The following DOCK3 variants were observed in gnomAD, a reference collection of about 807,000 sequenced individuals.
The protein encoded by DOCK3 is dedicator of cytokinesis protein 3.
A neutral mutation model predicts 265.6 loss-of-function variants in DOCK3; 60 were observed. That is an observed-to-expected ratio of 0.23 (90% CI 0.18 to 0.28). The LOEUF is 0.28. DOCK3 is among the 10% of genes least tolerant of loss of function. The pLI is 1.00. For missense variants in DOCK3, 1,981 were observed against 2,594.3 expected (o/e 0.76, Z 5.14); for synonymous variants, 881 against 938.0 (o/e 0.94, Z 1.11).
chr3:50,743,260 C>CTTTACAGCT (rs1206090012), intron 1 of DOCK3, among the ~76,000 whole-genome samples: 1 of 151,884 alleles, frequency 6.6e-6, no homozygotes, highest in African/African-American at 2.4e-5. Flanking sequence ...TAAAGACCAT[C>CTTTACAGCT]GAGGCTAGGA....
rs2088709331 is a variant in DOCK3, at chr3:51,382,432, T to C, written c.*873T>C. On this transcript the variant is annotated 3_prime_UTR_variant, in exon 53 of 53. Transcript: ENST00000266037. Reference sequence around the variant, plus strand: ...CTAGGGGGAGCTGGTCCCCTTCCTATGTGGTAGAGAGACTGGTGTAAGAGT... The same window carrying C: ...CTAGGGGGAGCTGGTCCCCTTCCTACGTGGTAGAGAGACTGGTGTAAGAGT... 1 of 152,570 alleles carries C rather than the reference T, an allele frequency of 6.6e-6. No homozygotes were observed. Among genetic ancestry groups the C allele is most frequent in the Non-Finnish European group, 1.5e-5 (1 of 68,060 alleles). The allele number at this position is 152,570 out of a possible 1,614,324, so 9.5% of individuals were successfully genotyped here.
In DOCK3 at chr3:51,361,664, G is replaced by C. The variant is rs575936825; in HGVS notation, c.5007-195G>C. ...GTGTACCACACCATTGTCTCTCCCAGACCAAGGGCTCCTGAGTAGCAGGGT... is the reference window on the plus strand; with the variant it reads ...GTGTACCACACCATTGTCTCTCCCACACCAAGGGCTCCTGAGTAGCAGGGT... On this transcript the variant is annotated intron_variant, in intron 47 of 52. Transcript: ENST00000266037. This position sits in a 1 kb window ranked among gnomAD's most constrained non-coding sequence, Gnocchi z 4.2. Among the ~76,000 whole-genome samples, 2 of 152,168 alleles carry C rather than the reference G, an allele frequency of 1.3e-5. No individual in the cohort carries two copies. The highest frequency in any genetic ancestry group is 1.9e-4 in the East Asian group (1 of 5,202).
intron 38 of DOCK3, 67 bp downstream of exon 38, chr3:51,341,452 A>G (rs960396537): frequency 6.3e-7 from 1 of 1,587,290 alleles, no homozygotes; most frequent in Non-Finnish European, 8.6e-7. Flanking sequence ...TCTTGACACC[A>G]TAGGGTTAAC....
chr3:51,341,218 A>G lies in DOCK3; in HGVS notation c.3767-19A>G, dbSNP rs779456167. On this transcript the variant is annotated intron_variant, in intron 37 of 52. Coordinates refer to ENST00000266037, the MANE Select transcript of DOCK3 (RefSeq NM_004947.5). ...GAGCAAGGGAAGCCCCTGGACCTCC[A>G]TGCTGTCTGTCCCCACAGAGGCCGC... 1.0e-5 allele frequency: 16 copies of G among 1,554,796 alleles called. No homozygotes were observed. The highest frequency in any genetic ancestry group is 1.8e-5 in the Admixed American group (1 of 54,458).
At chr3:51,227,960 T>C (rs2090399436) in intron 16 of DOCK3, 22 bp from the exon 17 acceptor site, 1 of 1,612,230 alleles carries the variant, frequency 6.2e-7, no homozygotes, top group Admixed American at 1.7e-5. Context: ...AAAAAACAAC[T>C]AATACTTGGC....
chr3:50,882,822 G>A (rs1341473057), intron 3 of DOCK3, among the ~76,000 whole-genome samples: 1 of 152,174 alleles, frequency 6.6e-6, no homozygotes, highest in African/African-American at 2.4e-5. Flanking sequence ...GCACACATAT[G>A]TTTATTGCAG....
At chr3:50,757,808 C>A (rs555939421) in intron 1 of DOCK3, among the ~76,000 whole-genome samples, 16 of 151,994 alleles carry the variant, frequency 1.1e-4, no homozygotes, top group Non-Finnish European at 1.9e-4. Flanking sequence ...AATCCAAGTT[C>A]ATACTTTGCC....
intron 5 of DOCK3, among the ~76,000 whole-genome samples, chr3:50,961,058 C>T (rs761771357): frequency 6.6e-6 from 1 of 152,242 alleles, no homozygotes; most frequent in Non-Finnish European, 1.5e-5. Flanking sequence ...TATACAAATA[C>T]CACATTTTCT....
chr3:50,804,238 G>T (rs986804595), intron 2 of DOCK3, among the ~76,000 whole-genome samples: 1 of 151,054 alleles, frequency 6.6e-6, no homozygotes, highest in South Asian at 2.1e-4. Flanking sequence ...GGGAAGAGGC[G>T]CTCCTCACTT....
intron 4 of DOCK3, among the ~76,000 whole-genome samples, chr3:50,903,097 T>C (rs987460927): frequency 6.6e-6 from 1 of 152,206 alleles, no homozygotes; most frequent in African/African-American, 2.4e-5. Context: ...TTTCTAGATA[T>C]GGGATCACGT....
At position 50,903,571 on chromosome 3, in the gene DOCK3, A is replaced by G. The variant is rs1375772362; in HGVS notation, c.218+13490A>G. Among the ~76,000 whole-genome samples the G allele has an allele frequency of 2.6e-5, 4 of 152,120 alleles. No individual in the cohort carries two copies. The South Asian group carries it at 6.2e-4, about 24-fold the overall frequency. Reference sequence around the variant, plus strand: ...GATCTGCTGGATTCAATTTGCCAGTATTTTGTTGAGGATTTTTGCATCAAT... The same window carrying G: ...GATCTGCTGGATTCAATTTGCCAGTGTTTTGTTGAGGATTTTTGCATCAAT... On this transcript the variant is annotated intron_variant, in intron 4 of 52. Coordinates refer to ENST00000266037, the MANE Select transcript of DOCK3 (RefSeq NM_004947.5).
At position 50,756,157 on chromosome 3, in the gene DOCK3, G is replaced by C. The variant is rs537577338; in HGVS notation, c.38-22518G>C. Among the ~76,000 whole-genome samples the C allele has an allele frequency of 3.0e-4, 45 of 152,250 alleles. No homozygotes were observed. The South Asian group carries it at 7.7e-3, about 26-fold the overall frequency. The stretch of plus-strand genomic sequence containing the variant: ...ATGTGCAGTGGCCTGCCAGCACTTG[G>C]GAGGGCCACATGCACAGTGTGTTTA... On this transcript the variant is annotated intron_variant, in intron 1 of 52. Coordinates refer to ENST00000266037, the MANE Select transcript of DOCK3 (RefSeq NM_004947.5).
chr3:51,224,578 GA>G (rs1021180744), intron 14 of DOCK3, among the ~76,000 whole-genome samples: 12 of 152,274 alleles, frequency 7.9e-5, no homozygotes, highest in African/African-American at 2.9e-4. Context: ...AACTGAAGTA[GA>G]AAAAATTACC....
At chr3:50,900,862 G>A (rs967591658) in intron 4 of DOCK3, 1 of 417,408 alleles carries the variant, frequency 2.4e-6, no homozygotes, top group African/African-American at 2.1e-5. Flanking sequence ...GTCCCAGAGG[G>A]GCACCCACCA....
At chr3:51,136,327 C>T (rs1293385201) in intron 9 of DOCK3, among the ~76,000 whole-genome samples, 1 of 151,700 alleles carries the variant, frequency 6.6e-6, no homozygotes, top group African/African-American at 2.4e-5. Context: ...TCCCAGGTCA[C>T]GCCATTCTCC....
At chr3:50,824,150 G>A (rs1303870236) in intron 2 of DOCK3, among the ~76,000 whole-genome samples, 1 of 152,102 alleles carries the variant, frequency 6.6e-6, no homozygotes, top group Non-Finnish European at 1.5e-5. Flanking sequence ...GTTGTATGGG[G>A]CTTGCTCTTT....
At chr3:51,270,544 A>G (rs2080440102) in intron 23 of DOCK3, among the ~76,000 whole-genome samples, 1 of 152,242 alleles carries the variant, frequency 6.6e-6, no homozygotes, top group South Asian at 2.1e-4. Context: ...ATTTTTCTTT[A>G]TACCCCATTC....
chr3:50,967,534 C>T (rs2077068302), intron 5 of DOCK3, among the ~76,000 whole-genome samples: 1 of 152,142 alleles, frequency 6.6e-6, no homozygotes, highest in Admixed American at 6.5e-5. Flanking sequence ...CCTTTTCACA[C>T]TGCTGATAAA....
At position 50,681,221 on chromosome 3, in the gene DOCK3, A is replaced by G. The variant is rs537384681; in HGVS notation, c.37+5921A>G. Among the ~76,000 whole-genome samples, 9 of 152,320 alleles carry G rather than the reference A, an allele frequency of 5.9e-5. No individual in the cohort carries two copies. The South Asian group carries it at 1.9e-3, about 32-fold the overall frequency. On this transcript the variant is annotated intron_variant, in intron 1 of 52. Transcript: ENST00000266037. The stretch of plus-strand genomic sequence containing the variant: ...AAGCTAAATTGTAAACATGGCACCT[A>G]TTTCTGTGTAGTATTAGATGCATTC...
Sources: gnomAD v4.1 joint callset for allele counts (sites outside exome capture counted in the v4.1 genomes callset) on GRCh38, gnomAD v4.1.1 for gene constraint, Gnocchi (gnomAD v3.1) non-coding constraint, MANE v1.5 for transcripts, NCBI Gene and HGNC (gene_info 2026-07-23, HGNC 2026-07-21) for gene names.